UBE2V2: variants seen among roughly 807,000 people sequenced by gnomAD.
The protein encoded by UBE2V2 is ubiquitin-conjugating enzyme E2 variant 2.
In UBE2V2, 9 loss-of-function variants were observed where a neutral mutation model predicts 17.2. That is an observed-to-expected ratio of 0.52 (90% CI 0.32 to 0.91). The LOEUF is 0.91. Among genes scored for constraint, UBE2V2 ranks in the 40% least tolerant of loss-of-function variants. UBE2V2 has a pLI of 0.04. For synonymous variants in UBE2V2, 61 were observed against 57.5 expected, an observed-to-expected ratio of 1.06 and a Z score of -0.28; for missense variants, 133 against 182.6, an observed-to-expected ratio of 0.73 and a Z score of 1.56.
chr8:48,043,172 G>A lies in UBE2V2; in HGVS notation c.156G>A (p.Gly52=). 6.6e-7 allele frequency: 1 copy of A among 1,515,992 alleles called. No homozygotes were observed. The allele number at this position is 1,515,992 out of a possible 1,614,324, so 93.9% of individuals were successfully genotyped here. Residue 52 remains glycine (G), a synonymous_variant, in exon 2 of 4, where the codon GGG becomes GGA. Transcript: ENST00000523111. The part of the protein sequence containing the change: ...TLTRWTGMII[G]PPRTNYENRI... ...CAAGGTGGACAGGCATGATTATTGG[G>A]CCACCAAGGGTCAGTGTTATAAATT... is the stretch of plus-strand genomic sequence containing the variant.
chr8:47,998,142 G>A, the UBE2V2 span, among the ~76,000 whole-genome samples: 1 of 151,966 alleles, frequency 6.6e-6, no homozygotes, highest in Non-Finnish European at 1.5e-5. Flanking sequence ...CGGACCATTG[G>A]GAGTCATGGT....
At chr8:48,004,756 C>A (rs927864162), upstream of UBE2V2, among the ~76,000 whole-genome samples, 1 of 151,928 alleles carries the variant, frequency 6.6e-6, no homozygotes, top group African/African-American at 2.4e-5. Flanking sequence ...GTATTGAATT[C>A]CCGACCTTGT....
intron 1 of UBE2V2, among the ~76,000 whole-genome samples, chr8:48,023,048 G>A (rs1426997488): frequency 6.6e-6 from 1 of 151,868 alleles, no homozygotes; most frequent in Non-Finnish European, 1.5e-5. Flanking sequence ...CTTTTCTCTT[G>A]CTGCCTTGAG....
rs372653111 is a variant in UBE2V2 at position 48,054,261 on chromosome 8, G to A, written c.291+4283G>A. On this transcript the variant is annotated intron_variant, in intron 3 of 3. Coordinates refer to ENST00000523111, the MANE Select transcript of UBE2V2 (RefSeq NM_003350.3). ...CCATGGACACACCTTGAGTAGTGCT[G>A]CTCTCGGGAATACATCTAGAAGTGT... Among the ~76,000 whole-genome samples, 51 of 152,260 alleles carry A rather than the reference G, an allele frequency of 3.3e-4. 1 individual carries two copies. The highest frequency in any genetic ancestry group is 1.2e-3 in the African/African-American group (49 of 41,556).
chr8:48,025,640 C>T (rs1263182019), intron 1 of UBE2V2, among the ~76,000 whole-genome samples: 1 of 146,666 alleles, frequency 6.8e-6, no homozygotes, highest in South Asian at 2.2e-4. Context: ...TGCTCTGTTG[C>T]CCAGGCTGGA....
At chr8:48,003,236 G>A in the UBE2V2 span, among the ~76,000 whole-genome samples, 1 of 150,890 alleles carries the variant, frequency 6.6e-6, no homozygotes, top group East Asian at 1.9e-4. Context: ...AAAAAAGAGA[G>A]AATTTAGTTC....
At chr8:48,011,565 G>C (rs2091231662) in intron 1 of UBE2V2, among the ~76,000 whole-genome samples, 1 of 151,986 alleles carries the variant, frequency 6.6e-6, no homozygotes, top group Admixed American at 6.6e-5. Context: ...AATATGTTTT[G>C]ATCTTTAGTT....
In UBE2V2 at chr8:48,013,400, T is replaced by C. The variant is rs376400028; in HGVS notation, c.16+4930T>C. On this transcript the variant is annotated intron_variant, in intron 1 of 3. Coordinates refer to ENST00000523111, the MANE Select transcript of UBE2V2 (RefSeq NM_003350.3). ...TTGGCTCACTGCAAGCACTGCCTCC[T>C]GGGTTCATGCCATTCTGTGGCCTCA... is the stretch of plus-strand genomic sequence containing the variant. Among the ~76,000 whole-genome samples the C allele has an allele frequency of 3.9e-3, 595 of 151,888 alleles. 4 individuals are homozygous for C. Among genetic ancestry groups the C allele is most frequent in the South Asian group, 0.025 (119 of 4,824 alleles).
At chr8:47,998,620 G>A in the UBE2V2 span, among the ~76,000 whole-genome samples, 871 of 151,792 alleles carry the variant, frequency 5.7e-3, 28 homozygotes, top group East Asian at 0.011. Flanking sequence ...CTGGGACTTC[G>A]GCAGGTTCAG....
intron 1 of UBE2V2, 107 bp from the exon 2 acceptor site, chr8:48,042,926 T>C (rs1177594741): frequency 8.4e-7 from 1 of 1,184,480 alleles, no homozygotes; most frequent in Non-Finnish European, 1.1e-6. Context: ...ATTTGGTCTT[T>C]TTGGGAAATA....
At chr8:48,038,536 T>C (rs182407914) in intron 1 of UBE2V2, among the ~76,000 whole-genome samples, 30 of 151,916 alleles carry the variant, frequency 2.0e-4, no homozygotes, top group Non-Finnish European at 3.7e-4. Flanking sequence ...TGGAGTGCAG[T>C]GGCACAATCT....
At chr8:48,007,488 C>G (rs1448512682), upstream of UBE2V2, among the ~76,000 whole-genome samples, 2 of 151,510 alleles carry the variant, frequency 1.3e-5, no homozygotes, top group Middle Eastern at 3.4e-3. Context: ...AGAGCCAAAT[C>G]ATGAGTGAAC....
In UBE2V2 at chr8:48,063,339, G is replaced by A. The variant is rs1327846406; in HGVS notation, c.*2511G>A. Reference sequence around the variant, plus strand: ...TAAGACACACTGGGAGACTGTAAGAGGAATTAATATAGAAAAGCTCTTAAT... The same window carrying A: ...TAAGACACACTGGGAGACTGTAAGAAGAATTAATATAGAAAAGCTCTTAAT... On this transcript the variant is annotated 3_prime_UTR_variant, in exon 4 of 4. Transcript: ENST00000523111. 1 of 152,210 alleles carries A rather than the reference G, an allele frequency of 6.6e-6. No homozygotes were observed. The highest frequency in any genetic ancestry group is 1.5e-5 in the Non-Finnish European group (1 of 68,042). The allele number at this position is 152,210 out of a possible 1,614,324, so 9.4% of individuals were successfully genotyped here.
At position 48,064,232 on chromosome 8, in the gene UBE2V2, T is replaced by C. The variant is rs1332793398; in HGVS notation, c.*3404T>C. 1 of 152,224 alleles carries C rather than the reference T, an allele frequency of 6.6e-6. No individual in the cohort carries two copies. The highest frequency in any genetic ancestry group is 1.5e-5 in the Non-Finnish European group (1 of 68,038). 9.4% of individuals were successfully genotyped at this position (152,224 alleles called of 1,614,324 possible). A position where few individuals can be genotyped will look rare whatever the true frequency, so the allele number is the denominator to read the frequency against. ...ATGTGTAATATCATAGTATCATTTA[T>C]TGCTGGGATGGATCGAAAAGCACTG... On this transcript the variant is annotated 3_prime_UTR_variant, in exon 4 of 4. Transcript: ENST00000523111.
At chr8:48,058,612 AG>A (rs1282219030) in intron 3 of UBE2V2, among the ~76,000 whole-genome samples, 2 of 151,264 alleles carry the variant, frequency 1.3e-5, no homozygotes, top group Non-Finnish European at 2.9e-5. Context: ...AAAAGTGATG[AG>A]AATGGACATC....
At chr8:48,008,073 C>T (rs1012732573), upstream of UBE2V2, among the ~76,000 whole-genome samples, 1 of 152,126 alleles carries the variant, frequency 6.6e-6, no homozygotes, top group East Asian at 1.9e-4. Context: ...AGGCGCGCGC[C>T]ACCACGTCCG....
At chr8:48,026,514 T>A (rs1039376358) in intron 1 of UBE2V2, among the ~76,000 whole-genome samples, 2 of 152,224 alleles carry the variant, frequency 1.3e-5, no homozygotes, top group Non-Finnish European at 2.9e-5. Context: ...TATATGTAAC[T>A]GTGGTCATTT....
intron 1 of UBE2V2, among the ~76,000 whole-genome samples, chr8:48,019,226 G>A (rs1269503961): frequency 6.6e-6 from 1 of 152,132 alleles, no homozygotes; most frequent in Admixed American, 6.6e-5. Context: ...TTAGCCAGGT[G>A]TGGTGGCGGG....
the UBE2V2 span, among the ~76,000 whole-genome samples, chr8:48,000,847 A>T: frequency 6.6e-6 from 1 of 150,740 alleles, no homozygotes; most frequent in Non-Finnish European, 1.5e-5. Context: ...AAAAAAAAAA[A>T]AAGAACTAGT....
Sources: allele counts gnomAD v4.1 joint callset (sites outside exome capture counted in the v4.1 genomes callset), GRCh38; gene constraint gnomAD v4.1.1; transcripts MANE v1.5; gene names NCBI Gene and HGNC (gene_info 2026-07-23, HGNC 2026-07-21).